Variants in DBT observed in about 807,000 individuals in gnomAD.
DBT encodes dihydrolipoamide branched chain transacylase E2, also known as lipoamide acyltransferase component of branched-chain alpha-keto acid dehydrogenase complex, mitochondrial.
Under a neutral mutation model 51.3 loss-of-function variants are expected in DBT, and 40 were observed. The observed-to-expected ratio is 0.78, with a 90% confidence interval of 0.61 to 1.02. The LOEUF is 1.02. Ranked by LOEUF, DBT falls within the 50% of genes least tolerant of loss-of-function variation. The probability of loss-of-function intolerance (pLI) is 0.00; values close to 1 mark genes in which losing one functional copy is unlikely to be tolerated. For synonymous variants in DBT, 181 were observed against 190.4 expected (o/e 0.95, Z 0.41); for missense variants, 510 against 580.2 (o/e 0.88, Z 1.24).
intron 10 of DBT, chr1:100,196,674 A>T: frequency 1.9e-6 from 1 of 515,618 alleles, no homozygotes; most frequent in South Asian, 2.8e-5. Context: ...TCCCATACCT[A>T]CATTCATTAA....
rs1664800153 is a variant in DBT at position 100,249,676 on chromosome 1, C to T, written c.51+94G>A. On this transcript the variant is annotated intron_variant, in intron 1 of 10. Coordinates refer to ENST00000370132, the MANE Select transcript of DBT (RefSeq NM_001918.5). Reference sequence around the variant, plus strand: ...ACCTCTCCATCACGCGTGCCCTGGACGCCTGGCACCGGAGGAGAAAGTAAA... The same window carrying T: ...ACCTCTCCATCACGCGTGCCCTGGATGCCTGGCACCGGAGGAGAAAGTAAA... 1.4e-5 allele frequency: 17 copies of T among 1,218,526 alleles called. No individual in the cohort carries two copies. The Admixed American group carries it at 1.8e-4, about 13-fold the overall frequency. The allele number at this position is 1,218,526 out of a possible 1,614,324, so 75.5% of individuals were successfully genotyped here.
chr1:100,226,309 A>T (rs1218425549), intron 4 of DBT, among the ~76,000 whole-genome samples: 3 of 116,830 alleles, frequency 2.6e-5, no homozygotes, highest in Non-Finnish European at 3.4e-5. Flanking sequence ...TTTTTGAGAC[A>T]GGGTCCTGTT....
At chr1:100,235,536 C>G in intron 2 of DBT, 25 bp from the exon 3 acceptor site, 1 of 1,334,578 alleles carries the variant, frequency 7.5e-7, no homozygotes, top group Non-Finnish European at 1.1e-6. Context: ...GAGAAATGAT[C>G]TCATTAAGTA....
In DBT at chr1:100,196,728, AC is replaced by A. The variant is rs1408596603; in HGVS notation, c.1282-307del. On this transcript the variant is annotated intron_variant, in intron 10 of 10. Transcript: ENST00000370132. ...AATATTTAATAATTATTTACTGTAT[AC>A]CCACTATGTGCCAAGTATTCTTCTA... The A allele has an allele frequency of 1.4e-5, 5 of 351,004 alleles. No individual in the cohort carries two copies. In the East Asian group the frequency reaches 2.9e-4, roughly 21 times the overall value. The allele number at this position is 351,004 out of a possible 1,614,324, so 21.7% of individuals were successfully genotyped here.
At chr1:100,226,316 T>C (rs1663202298) in intron 4 of DBT, among the ~76,000 whole-genome samples, 1 of 149,562 alleles carries the variant, frequency 6.7e-6, no homozygotes, top group Admixed American at 6.7e-5. Flanking sequence ...GACAGGGTCC[T>C]GTTGTTACCC....
At chr1:100,213,034 T>C (rs1662246925) in intron 7 of DBT, among the ~76,000 whole-genome samples, 1 of 152,230 alleles carries the variant, frequency 6.6e-6, no homozygotes, top group Non-Finnish European at 1.5e-5. Flanking sequence ...CAGACATCAG[T>C]ATGTCCTTCT....
chr1:100,198,430 T>C (rs1226421419), intron 10 of DBT, among the ~76,000 whole-genome samples: 1 of 152,230 alleles, frequency 6.6e-6, no homozygotes, highest in Non-Finnish European at 1.5e-5. Context: ...TGGCAAACAA[T>C]GTAAATGTAC....
chr1:100,218,740 T>G lies in DBT; in HGVS notation c.441A>C (p.Glu147Asp). The change falls in exon 5 of 11, where the codon GAA becomes GAC. Residue 147 changes from glutamate (E) to aspartate (D), a missense_variant. Physicochemically the swap from Glu to Asp is conservative, Grantham distance 45 (BLOSUM62 2). Transcript: ENST00000370132. ...DIETEALKDSEEDVVETPAVS... is the reference protein window; with the variant it reads ...DIETEALKDSDEDVVETPAVS... ...CTGCAGGAGTTTCAACAACATCTTCTTCTGAATCTGGTAACAAGGTAAAAC... is the reference window on the plus strand; with the variant it reads ...CTGCAGGAGTTTCAACAACATCTTCGTCTGAATCTGGTAACAAGGTAAAAC... 2 of 1,613,970 alleles carry G rather than the reference T, an allele frequency of 1.2e-6. No individual in the cohort carries two copies. The highest frequency in any genetic ancestry group is 1.7e-6 in the Non-Finnish European group (2 of 1,179,904).
rs1660884080 is a variant in DBT at position 100,193,122 on chromosome 1, A to G, written c.*3133T>C. The G allele has an allele frequency of 6.6e-6, 1 of 152,240 alleles. No individual in the cohort carries two copies. The highest frequency in any genetic ancestry group is 2.1e-4 in the South Asian group (1 of 4,836). The allele number at this position is 152,240 out of a possible 1,614,324, so 9.4% of individuals were successfully genotyped here. ...TGCTGAATTCTCAATGCATGAGACCAAAGAGAAGATAGTAATACCCAAGGG... is the reference window on the plus strand; with the variant it reads ...TGCTGAATTCTCAATGCATGAGACCGAAGAGAAGATAGTAATACCCAAGGG... On this transcript the variant is annotated 3_prime_UTR_variant, in exon 11 of 11. Coordinates refer to ENST00000370132, the MANE Select transcript of DBT (RefSeq NM_001918.5).
intron 4 of DBT, 102 bp downstream of exon 4, chr1:100,230,629 GAA>G (rs11394110): frequency 1.3e-5 from 7 of 534,628 alleles, no homozygotes; most frequent in South Asian, 5.7e-5. Flanking sequence ...AATAGGAATA[GAA>G]AAAAAAAAAA....
intron 4 of DBT, among the ~76,000 whole-genome samples, chr1:100,229,780 T>C (rs1663433920): frequency 6.6e-6 from 1 of 152,140 alleles, no homozygotes; most frequent in South Asian, 2.1e-4. Context: ...TGACAAAACT[T>C]TGGTATACCA....
Position 100,206,588 on chromosome 1 carries a change from C to CA in DBT, c.1065dup (p.Val356CysfsTer3). Reference sequence around the variant, plus strand: ...ATCTGAACATTTTTCACATTAGGGACAATCAAACCCTGCTCAGTATCCATT... The same window carrying CA: ...ATCTGAACATTTTTCACATTAGGGACAAATCAAACCCTGCTCAGTATCCATT... On this transcript the variant is annotated frameshift_variant, in exon 9 of 11. Transcript: ENST00000370132. LOFTEE classifies it high-confidence loss of function. The CA allele has an allele frequency of 6.2e-7, 1 of 1,612,666 alleles. No individual in the cohort carries two copies.
chr1:100,218,825 G>A (rs1356757304), intron 4 of DBT, 78 bp from the exon 5 acceptor site: 1 of 1,107,928 alleles, frequency 9.0e-7, no homozygotes, highest in Non-Finnish European at 1.4e-6. Context: ...AGGCCACTAA[G>A]ATGTGGCCTA....
Position 100,216,046 on chromosome 1 carries a change from C to T in DBT, c.709G>A (p.Val237Ile), listed in dbSNP as rs947272551. 6.2e-7 allele frequency: 1 copy of T among 1,613,482 alleles called. No individual in the cohort carries two copies. The change falls in exon 6 of 11, where the codon GTT (valine) becomes ATT (isoleucine). Residue 237 changes from valine (V) to isoleucine (I), a missense_variant. Coordinates refer to ENST00000370132, the MANE Select transcript of DBT (RefSeq NM_001918.5). Reference protein sequence around the residue: ...PPPPKPKDMTVPILVSKPPVF... With the variant: ...PPPPKPKDMTIPILVSKPPVF... ...GGAGGTTTTGATACTAGTATAGGAA[C>T]AGTCATGTCTTTTGGCTTTGGTGGA...
intron 1 of DBT, among the ~76,000 whole-genome samples, chr1:100,244,362 T>C (rs1053497772): frequency 2.6e-5 from 4 of 152,156 alleles, no homozygotes; most frequent in Non-Finnish European, 5.9e-5. Flanking sequence ...ATGACTATAA[T>C]GTCAGTATAA....
In DBT at chr1:100,216,087, A is replaced by G. The variant is rs772801811; in HGVS notation, c.668T>C (p.Val223Ala). 1 of 1,613,612 alleles carries G rather than the reference A, an allele frequency of 6.2e-7. No homozygotes were observed. The highest frequency in any genetic ancestry group is 8.5e-7 in the Non-Finnish European group (1 of 1,179,664). ...CTTTGGTGGAGGTGGCATAATTTCA[A>G]CTTTGGGTGAAGGAGGCAATATAGC... ...TGAILPPSPK[V>A]EIMPPPPKPK... Residue 223 changes from valine to alanine, a missense_variant, in exon 6 of 11, where the codon GTT (valine) becomes GCT (alanine). Physicochemically the swap from Val to Ala is moderately conservative, Grantham distance 64. Transcript: ENST00000370132.
chr1:100,219,171 G>C (rs1207699621), intron 4 of DBT, among the ~76,000 whole-genome samples: 1 of 152,050 alleles, frequency 6.6e-6, no homozygotes, highest in Non-Finnish European at 1.5e-5. Context: ...AGGCAACATA[G>C]GGAGACCCCA....
At chr1:100,199,995 T>G (rs1183024118) in intron 10 of DBT, among the ~76,000 whole-genome samples, 1 of 151,864 alleles carries the variant, frequency 6.6e-6, no homozygotes, top group Admixed American at 6.6e-5. Context: ...CCAAGCTAGC[T>G]GCAGTTTTGT....
At chr1:100,214,322 G>C (rs1662357553) in intron 7 of DBT, among the ~76,000 whole-genome samples, 1 of 152,116 alleles carries the variant, frequency 6.6e-6, no homozygotes, top group Admixed American at 6.5e-5. Flanking sequence ...TAAAAATATA[G>C]TACAGAAATC....
Sources: gnomAD v4.1 joint callset for allele counts (sites outside exome capture counted in the v4.1 genomes callset) on GRCh38, gnomAD v4.1.1 for gene constraint, MANE v1.5 for transcripts, NCBI Gene and HGNC (gene_info 2026-07-23, HGNC 2026-07-21) for gene names.